Variants in TM9SF2 observed in about 807,000 individuals in gnomAD.
TM9SF2 encodes the protein 76 kDa membrane protein.
A neutral mutation model predicts 84.9 loss-of-function variants in TM9SF2; 13 were observed. The observed-to-expected ratio is 0.15, with a 90% CI of 0.10 to 0.24. TM9SF2 has a LOEUF of 0.24. TM9SF2 is among the 10% of genes least tolerant of loss of function. TM9SF2 has a pLI of 1.00. For missense variants in TM9SF2, 562 were observed against 818.5 expected (o/e 0.69, Z 3.82); for synonymous variants, 273 against 285.8 (o/e 0.96, Z 0.45).
intron 1 of TM9SF2, among the ~76,000 whole-genome samples, chr13:99,515,821 C>G (rs943671861): frequency 1.3e-5 from 2 of 151,568 alleles, no homozygotes; most frequent in Non-Finnish European, 2.9e-5. Flanking sequence ...CAACCTCTGC[C>G]TCCAGGGTTC....
chr13:99,519,403 A>C (rs1328648709), intron 2 of TM9SF2: 1 of 152,210 alleles, frequency 6.6e-6, no homozygotes, highest in Admixed American at 6.5e-5. Context: ...TTCCAGAGTG[A>C]GCACAGAACT....
Position 99,509,848 on chromosome 13 carries a change from G to GA in TM9SF2, c.172-7760dup, listed in dbSNP as rs552448957. Among the ~76,000 whole-genome samples the GA allele has an allele frequency of 2.5e-3, 374 of 152,194 alleles. 3 individuals are homozygous for GA. Among genetic ancestry groups the GA allele is most frequent in the African/African-American group, 8.6e-3 (356 of 41,548 alleles). On this transcript the variant is annotated intron_variant, in intron 1 of 16. Coordinates refer to ENST00000376387, the MANE Select transcript of TM9SF2 (RefSeq NM_004800.3). ...CACAGCCTGCTTGAATTTCTCTCCA[G>GA]AAAAAACTTTTTTTTTCTTTGCCAC...
chr13:99,517,639 G>A lies in TM9SF2; in HGVS notation c.197G>A (p.Arg66Lys). The change falls in exon 2 of 17, where the codon AGA (arginine) becomes AAA (lysine). Residue 66 changes from arginine (R) to lysine (K), a missense_variant. Physicochemically the swap from Arg to Lys is conservative, Grantham distance 26. Transcript: ENST00000376387. Reference sequence around the variant, plus strand: ...GCCGAAATAGAACTATTTGTGAACAGACTTGATTCAGTGGAATCAGTTCTT... The same window carrying A: ...GCCGAAATAGAACTATTTGTGAACAAACTTGATTCAGTGGAATCAGTTCTT... ...CKAEIELFVN[R>K]LDSVESVLPY... 2 of 1,588,878 alleles carry A rather than the reference G, an allele frequency of 1.3e-6. No individual in the cohort carries two copies. Among genetic ancestry groups the A allele is most frequent in the Non-Finnish European group, 1.7e-6 (2 of 1,168,972 alleles).
intron 4 of TM9SF2, 54 bp downstream of exon 4, chr13:99,529,648 T>A: frequency 6.9e-7 from 1 of 1,441,538 alleles, no homozygotes; most frequent in Non-Finnish European, 9.1e-7. Flanking sequence ...ATGAAATCTT[T>A]GTTGCTTTGA....
chr13:99,531,386 T>A (rs113180678), intron 4 of TM9SF2, among the ~76,000 whole-genome samples: 7 of 152,288 alleles, frequency 4.6e-5, no homozygotes, highest in Non-Finnish European at 8.8e-5. Flanking sequence ...TAGATCACAT[T>A]GTTTGCTCAC....
In TM9SF2 at chr13:99,563,885, G is replaced by A. The variant is rs2046354337; in HGVS notation, c.*1127G>A. The A allele has an allele frequency of 6.6e-6, 1 of 152,116 alleles. No homozygotes were observed. Among genetic ancestry groups the A allele is most frequent in the Admixed American group, 6.5e-5 (1 of 15,272 alleles). The allele number at this position is 152,116 out of a possible 1,614,324, so 9.4% of individuals were successfully genotyped here. A position where few individuals can be genotyped will look rare whatever the true frequency, so the allele number is the denominator to read the frequency against. On this transcript the variant is annotated 3_prime_UTR_variant, in exon 17 of 17. Transcript: ENST00000376387. ...ATTTATGTAGAATATAGGAATGGGGGGTGATTCTGAAGTATCGGTCTGCTT... is the reference window on the plus strand; with the variant it reads ...ATTTATGTAGAATATAGGAATGGGGAGTGATTCTGAAGTATCGGTCTGCTT...
At chr13:99,512,119 C>T (rs1566563172) in intron 1 of TM9SF2, among the ~76,000 whole-genome samples, 3 of 152,100 alleles carry the variant, frequency 2.0e-5, no homozygotes, top group East Asian at 1.9e-4. Flanking sequence ...GGATGGGAGA[C>T]GAGAGGAAGG....
chr13:99,519,994 C>T (rs369116170), intron 2 of TM9SF2, 42 bp from the exon 3 acceptor site: 305 of 1,572,502 alleles, frequency 1.9e-4, no homozygotes, highest in Non-Finnish European at 2.4e-4. Flanking sequence ...GATATTTCAT[C>T]GTTCCCTTTT....
chr13:99,539,354 C>A, intron 6 of TM9SF2, 92 bp from the exon 7 acceptor site: 1 of 761,224 alleles, frequency 1.3e-6, no homozygotes, highest in Admixed American at 2.1e-5. Context: ...TTGTCAGCAG[C>A]ATTTTAAAAT....
At chr13:99,529,382 C>A (rs1000633574) in intron 3 of TM9SF2, 85 bp from the exon 4 acceptor site, 2 of 1,259,622 alleles carry the variant, frequency 1.6e-6, no homozygotes, top group Non-Finnish European at 2.1e-6. Context: ...TTTAATGGGA[C>A]CAGCACTTTT....
At chr13:99,551,568 G>A (rs72651450) in intron 12 of TM9SF2, among the ~76,000 whole-genome samples, 1 of 152,306 alleles carries the variant, frequency 6.6e-6, no homozygotes, top group Non-Finnish European at 1.5e-5. Flanking sequence ...GAAAGTGGTT[G>A]CGCTTAAAAA....
Position 99,515,061 on chromosome 13 carries a change from T to G in TM9SF2, c.172-2553T>G, listed in dbSNP as rs551923835. Among the ~76,000 whole-genome samples, 4 of 152,346 alleles carry G rather than the reference T, an allele frequency of 2.6e-5. No homozygotes were observed. The East Asian group carries it at 7.7e-4, about 29-fold the overall frequency. On this transcript the variant is annotated intron_variant, in intron 1 of 16. Coordinates refer to ENST00000376387, the MANE Select transcript of TM9SF2 (RefSeq NM_004800.3). ...TTCAGAGTCTTGCTTCTTAATCATT[T>G]CGTGCTGAGAAAGGTTGAGAGTGAG...
intron 7 of TM9SF2, among the ~76,000 whole-genome samples, chr13:99,539,960 G>A (rs1401852696): frequency 1.3e-5 from 2 of 152,168 alleles, no homozygotes; most frequent in Non-Finnish European, 2.9e-5. Flanking sequence ...AAATTGAAGG[G>A]AGTGTTTTCA....
chr13:99,503,880 C>A (rs2046077991), intron 1 of TM9SF2, among the ~76,000 whole-genome samples: 1 of 152,012 alleles, frequency 6.6e-6, no homozygotes, highest in South Asian at 2.1e-4. Context: ...TCTTGGGAGT[C>A]ATTTTGGATG....
At chr13:99,556,396 T>C (rs1203885067) in intron 15 of TM9SF2, among the ~76,000 whole-genome samples, 1 of 152,222 alleles carries the variant, frequency 6.6e-6, no homozygotes, top group African/African-American at 2.4e-5. Context: ...CAGTTGCTCC[T>C]CATTCCTCAC....
At chr13:99,513,500 G>C (rs1393405363) in intron 1 of TM9SF2, among the ~76,000 whole-genome samples, 1 of 152,196 alleles carries the variant, frequency 6.6e-6, no homozygotes, top group East Asian at 1.9e-4. Context: ...AGAAATGGGA[G>C]AAACATTTAC....
At chr13:99,543,260 C>T (rs1208611335) in intron 9 of TM9SF2, among the ~76,000 whole-genome samples, 1 of 152,200 alleles carries the variant, frequency 6.6e-6, no homozygotes, top group Non-Finnish European at 1.5e-5. Context: ...TTTTTCTGTA[C>T]AGCGCTTATT....
intron 3 of TM9SF2, 56 bp from the exon 4 acceptor site, chr13:99,529,411 G>T: frequency 1.4e-6 from 2 of 1,429,436 alleles, no homozygotes; most frequent in Non-Finnish European, 1.8e-6. Flanking sequence ...TGTGATATTG[G>T]TATGAAAAAC....
In TM9SF2 at chr13:99,547,002, T is replaced by C. The variant is rs1269926541; in HGVS notation, c.1168T>C (p.Phe390Leu). The C allele has an allele frequency of 6.2e-7, 1 of 1,614,108 alleles. No homozygotes were observed. The highest frequency in any genetic ancestry group is 8.5e-7 in the Non-Finnish European group (1 of 1,179,982). The change falls in exon 11 of 17, where the codon TTT (phenylalanine) becomes CTT (leucine). Residue 390 changes from phenylalanine (F) to leucine (L), a missense_variant. Phe to Leu is a conservative substitution (Grantham distance 22). Coordinates refer to ENST00000376387, the MANE Select transcript of TM9SF2 (RefSeq NM_004800.3). ...FVTLFFACLG[F>L]LSPANRGALM... ...TGTTTTAGTTTTCGCTTGCCTGGGA[T>C]TTTTGTCACCTGCCAACCGAGGAGC...
Sources: gnomAD v4.1 joint callset for allele counts (sites outside exome capture counted in the v4.1 genomes callset) on GRCh38, gnomAD v4.1.1 for gene constraint, MANE v1.5 for transcripts, NCBI Gene and HGNC (gene_info 2026-07-23, HGNC 2026-07-21) for gene names.